The following ARFGEF2 variants were observed in gnomAD, a reference collection of about 807,000 sequenced individuals.
The protein encoded by ARFGEF2 is ARF guanine nucleotide exchange factor 2, also known as brefeldin A-inhibited guanine nucleotide-exchange protein 2.
In ARFGEF2, 74 loss-of-function variants were observed where a neutral mutation model predicts 219.9. That is an observed-to-expected ratio of 0.34 (90% CI 0.28 to 0.41). The LOEUF is 0.41. Ranked by LOEUF, ARFGEF2 falls within the 10% of genes least tolerant of loss-of-function variation. ARFGEF2 has a pLI of 1.00. For synonymous variants in ARFGEF2, 733 were observed against 799.2 expected, an observed-to-expected ratio of 0.92 and a Z score of 1.40; for missense variants, 1,743 against 2,218.3, an observed-to-expected ratio of 0.79 and a Z score of 4.30.
intron 1 of ARFGEF2, 89 bp downstream of exon 1, chr20:48,922,099 C>T (rs2090845473): frequency 6.7e-7 from 1 of 1,489,696 alleles, no homozygotes; most frequent in Non-Finnish European, 9.0e-7. Context: ...GGCCTCCTGG[C>T]CTCCGCTTCC....
intron 1 of ARFGEF2, among the ~76,000 whole-genome samples, chr20:48,931,445 T>C (rs1362404120): frequency 6.6e-6 from 1 of 152,198 alleles, no homozygotes; most frequent in Non-Finnish European, 1.5e-5. Context: ...AGAGTTTATG[T>C]TCTGCTGGGG....
At chr20:49,022,700 TCTAC>T (rs2091573477) in intron 34 of ARFGEF2, among the ~76,000 whole-genome samples, 1 of 152,236 alleles carries the variant, frequency 6.6e-6, no homozygotes, top group Non-Finnish European at 1.5e-5. Flanking sequence ...TATCCCTGTC[TCTAC>T]CTATCATCAA....
chr20:48,928,661 A>AT (rs1156548396), intron 1 of ARFGEF2, among the ~76,000 whole-genome samples: 1 of 146,822 alleles, frequency 6.8e-6, no homozygotes, highest in East Asian at 2.0e-4. Flanking sequence ...CACCCAGCTA[A>AT]TTTTTTGTAT....
intron 1 of ARFGEF2, among the ~76,000 whole-genome samples, chr20:48,930,598 T>G (rs2090907236): frequency 6.6e-6 from 1 of 152,162 alleles, no homozygotes; most frequent in South Asian, 2.1e-4. Flanking sequence ...GATGGGAATG[T>G]GGGAAGAGGA....
At chr20:49,017,848 G>C (rs2091540684) in intron 33 of ARFGEF2, among the ~76,000 whole-genome samples, 1 of 152,146 alleles carries the variant, frequency 6.6e-6, no homozygotes, top group African/African-American at 2.4e-5. Context: ...AACAACATCT[G>C]AGCATTTTTC....
In ARFGEF2 at chr20:49,025,710, A is replaced by C. The variant is rs192432436; in HGVS notation, c.4924+229A>C. Among the ~76,000 whole-genome samples, 23 of 152,326 alleles carry C rather than the reference A, an allele frequency of 1.5e-4. No individual in the cohort carries two copies. In the East Asian group the frequency reaches 4.2e-3, roughly 28 times the overall value. ...AAATTGAGGCCGGATGCGGTGGTCC[A>C]TGCCTGTAATCCCAACACTTTGGGA... On this transcript the variant is annotated intron_variant, in intron 36 of 38. Coordinates refer to ENST00000371917, the MANE Select transcript of ARFGEF2 (RefSeq NM_006420.3).
intron 1 of ARFGEF2, 124 bp downstream of exon 1, chr20:48,922,134 C>T (rs2090846040): frequency 1.4e-6 from 2 of 1,414,998 alleles, no homozygotes; most frequent in Non-Finnish European, 1.9e-6. Context: ...TCCACCCTTC[C>T]GGCCTCCTCC....
chr20:48,998,400 C>T lies in ARFGEF2; in HGVS notation c.3327C>T (p.Arg1109=), dbSNP rs757186251. 6.2e-7 allele frequency: 1 copy of T among 1,614,136 alleles called. No individual in the cohort carries two copies. Among genetic ancestry groups the T allele is most frequent in the Admixed American group, 1.7e-5 (1 of 60,022 alleles). The change falls in exon 25 of 39, where the codon CGC becomes CGT. Residue 1109 remains arginine (R), a synonymous_variant. Transcript: ENST00000371917. ...MDELASPHHP[R]MFSLQKIVEI... is the part of the protein sequence containing the mutation. ...AACTGGCTTCCCCCCACCATCCTCG[C>T]ATGTTCAGCTTGCAGAAGATTGTGG...
At chr20:48,932,875 G>A (rs1053383181) in intron 1 of ARFGEF2, among the ~76,000 whole-genome samples, 2 of 152,184 alleles carry the variant, frequency 1.3e-5, no homozygotes, top group South Asian at 2.1e-4. Context: ...TAGGGGCAGC[G>A]TTGGTTTCTG....
intron 1 of ARFGEF2, among the ~76,000 whole-genome samples, chr20:48,933,054 G>C (rs577911653): frequency 6.6e-6 from 1 of 152,290 alleles, no homozygotes; most frequent in East Asian, 1.9e-4. Flanking sequence ...GCCAGTGTCA[G>C]AGGTGCTGGT....
At position 48,963,836 on chromosome 20, in the gene ARFGEF2, A is replaced by G; in HGVS notation, c.845A>G (p.Asp282Gly). 1 of 1,614,044 alleles carries G rather than the reference A, an allele frequency of 6.2e-7. No homozygotes were observed. Among genetic ancestry groups the G allele is most frequent in the Non-Finnish European group, 8.5e-7 (1 of 1,179,968 alleles). ...RERGSSLSGT[D>G]DGAQEVVKDI... Reference sequence around the variant, plus strand: ...TATTTGGATGTGTGTGTAGGGACTGATGACGGAGCCCAGGAGGTGGTGAAG... The same window carrying G: ...TATTTGGATGTGTGTGTAGGGACTGGTGACGGAGCCCAGGAGGTGGTGAAG... The change falls in exon 7 of 39, where the codon GAT becomes GGT. Residue 282 changes from aspartate to glycine, a missense_variant. Physicochemically the swap from Asp to Gly is moderately conservative, Grantham distance 94. This residue lies in a region of ARFGEF2 where 394 missense variants were observed against 426.6 expected (regional missense o/e 0.92). Transcript: ENST00000371917.
intron 3 of ARFGEF2, among the ~76,000 whole-genome samples, chr20:48,948,878 T>A (rs998497676): frequency 6.6e-6 from 1 of 152,182 alleles, no homozygotes; most frequent in Non-Finnish European, 1.5e-5. Context: ...TGGGGGATAG[T>A]GGGAGATAGG....
Position 49,010,227 on chromosome 20 carries a change from C to T in ARFGEF2, c.3585-5C>T, listed in dbSNP as rs769934211. ...GACGATATGGCCGTCCCATTCTTTCCTCAGGTCTCCCACCATCCGGGACAT... is the reference window on the plus strand; with the variant it reads ...GACGATATGGCCGTCCCATTCTTTCTTCAGGTCTCCCACCATCCGGGACAT... On this transcript the variant is annotated splice_polypyrimidine_tract_variant and splice_region_variant and intron_variant, in intron 26 of 38. Coordinates refer to ENST00000371917, the MANE Select transcript of ARFGEF2 (RefSeq NM_006420.3). The T allele has an allele frequency of 2.5e-6, 4 of 1,612,424 alleles. No individual in the cohort carries two copies. The highest frequency in any genetic ancestry group is 3.4e-6 in the Non-Finnish European group (4 of 1,178,636).
chr20:49,031,775 G>GC lies in ARFGEF2; in HGVS notation c.5064-273dup, dbSNP rs551800710. Among the ~76,000 whole-genome samples, 482 of 152,060 alleles carry GC rather than the reference G, an allele frequency of 3.2e-3. 3 individuals carry two copies. The highest frequency in any genetic ancestry group is 0.011 in the African/African-American group (451 of 41,486). ...ACTAAAAATCAAAAAAATTAGCCAG[G>GC]CATGGTGGCGCAAGCATGTAGTGTT... On this transcript the variant is annotated intron_variant, in intron 37 of 38. Transcript: ENST00000371917.
rs542066920 is a variant in ARFGEF2, at chr20:48,985,598, T to C, written c.2261T>C (p.Ile754Thr). Residue 754 changes from isoleucine to threonine, a missense_variant, in exon 16 of 39, where the codon ATA becomes ACA. By Grantham distance (89) the Ile-to-Thr change is moderately conservative (BLOSUM62 -1). Transcript: ENST00000371917. ...RLMEKFAARYIECNQGQTLFA... is the reference protein window; with the variant it reads ...RLMEKFAARYTECNQGQTLFA... ...ATGGAGAAGTTTGCCGCAAGATACA[T>C]AGAATGCAACCAAGGGTGAGCGCCG... The C allele has an allele frequency of 3.1e-6, 5 of 1,614,176 alleles. No homozygotes were observed. The South Asian group carries it at 4.4e-5, about 14-fold the overall frequency.
intron 7 of ARFGEF2, among the ~76,000 whole-genome samples, chr20:48,964,695 T>C (rs908133877): frequency 6.6e-6 from 1 of 152,216 alleles, no homozygotes; most frequent in African/African-American, 2.4e-5. Flanking sequence ...CTTGTATGGC[T>C]CAGAATGACT....
intron 16 of ARFGEF2, among the ~76,000 whole-genome samples, chr20:48,986,986 T>G (rs188276124): frequency 6.6e-6 from 1 of 152,326 alleles, no homozygotes; most frequent in Admixed American, 6.5e-5. Flanking sequence ...TTTACAAATG[T>G]GAGCTACCAC....
At chr20:48,952,550 C>T (rs1212778076) in intron 4 of ARFGEF2, among the ~76,000 whole-genome samples, 155 bp from the exon 5 acceptor site, 1 of 152,114 alleles carries the variant, frequency 6.6e-6, no homozygotes, top group Non-Finnish European at 1.5e-5. Context: ...TCATAATAAT[C>T]ACCTAGTTTA....
At chr20:49,003,270 A>C (rs912133791) in intron 25 of ARFGEF2, among the ~76,000 whole-genome samples, 2 of 151,264 alleles carry the variant, frequency 1.3e-5, no homozygotes, top group Non-Finnish European at 2.9e-5. Flanking sequence ...ACCCAGCCCC[A>C]ATTTTTCATT....
Sources: gnomAD v4.1 joint callset for allele counts (sites outside exome capture counted in the v4.1 genomes callset) on GRCh38, gnomAD v4.1.1 for gene constraint, gnomAD v4.1.1 regional missense constraint, MANE v1.5 for transcripts, NCBI Gene and HGNC (gene_info 2026-07-23, HGNC 2026-07-21) for gene names.